Variants in SOS2 observed in about 807,000 individuals in gnomAD.
The protein encoded by SOS2 is SOS Ras/Rho guanine nucleotide exchange factor 2.
In SOS2, 65 loss-of-function variants were observed where a neutral mutation model predicts 148.2. That is an observed-to-expected ratio of 0.44 (90% confidence interval 0.36 to 0.54). The LOEUF is 0.54. SOS2 is among the 20% of genes least tolerant of loss of function. The probability of loss-of-function intolerance (pLI) is 0.00; values close to 1 mark genes in which losing one functional copy is unlikely to be tolerated. For missense variants in SOS2, 1,341 were observed against 1,590.2 expected, an observed-to-expected ratio of 0.84 and a Z score of 2.67; for synonymous variants, 539 against 537.1, an observed-to-expected ratio of 1.00 and a Z score of -0.05.
intron 4 of SOS2, among the ~76,000 whole-genome samples, chr14:50,195,705 G>A (rs1390738576): frequency 6.6e-6 from 1 of 152,128 alleles, no homozygotes; most frequent in African/African-American, 2.4e-5. Context: ...AAGCTGCAGT[G>A]AGCCTGGGTG....
chr14:50,209,861 G>GA (rs1185378492), intron 1 of SOS2, among the ~76,000 whole-genome samples: 9 of 152,090 alleles, frequency 5.9e-5, no homozygotes, highest in Non-Finnish European at 1.3e-4. Context: ...TAGACTTTAA[G>GA]AAAAATTAAA....
chr14:50,133,971 T>C lies in SOS2; in HGVS notation c.3075+152A>G, dbSNP rs74049157. On this transcript the variant is annotated intron_variant, in intron 19 of 22. Transcript: ENST00000216373. ...CCAGATTTTATCAAAAGGCTGACATTTCCCCCCCCAGTTTTAGAAATAGTA... is the reference window on the plus strand; with the variant it reads ...CCAGATTTTATCAAAAGGCTGACATCTCCCCCCCCAGTTTTAGAAATAGTA... 1.1e-3 allele frequency: 680 copies of C among 625,914 alleles called. 4 individuals carry two copies. The African/African-American group carries it at 0.012, about 11-fold the overall frequency. The allele number at this position is 625,914 out of a possible 1,614,324, so 38.8% of individuals were successfully genotyped here. A position where few individuals can be genotyped will look rare whatever the true frequency, so the allele number is the denominator to read the frequency against.
intron 8 of SOS2, among the ~76,000 whole-genome samples, chr14:50,170,302 CAT>C (rs1206917219): frequency 6.6e-6 from 1 of 151,922 alleles, no homozygotes; most frequent in Non-Finnish European, 1.5e-5. Flanking sequence ...ATTATCTTAA[CAT>C]ATAATTCAAT....
At position 50,144,500 on chromosome 14, in the gene SOS2, T is replaced by C. The variant is rs1245269511; in HGVS notation, c.2667+670A>G. Among the ~76,000 whole-genome samples, 3 of 152,104 alleles carry C rather than the reference T, an allele frequency of 2.0e-5. No homozygotes were observed. In the East Asian group the frequency reaches 5.8e-4, roughly 29 times the overall value. On this transcript the variant is annotated intron_variant, in intron 16 of 22. Coordinates refer to ENST00000216373, the MANE Select transcript of SOS2 (RefSeq NM_006939.4). The stretch of plus-strand genomic sequence containing the variant: ...TCGCCCAGCCTGGAGTGCAGTGGTG[T>C]GATCTCAGCTCACTGCAAATGCTGC...
At chr14:50,141,239 G>A (rs1013027022) in intron 16 of SOS2, among the ~76,000 whole-genome samples, 2 of 137,928 alleles carry the variant, frequency 1.5e-5, no homozygotes, top group Non-Finnish European at 3.1e-5. Context: ...AAAAATTCTG[G>A]TCAAGTGCAG....
intron 21 of SOS2, among the ~76,000 whole-genome samples, chr14:50,128,260 G>T (rs530599384): frequency 1.3e-5 from 2 of 151,998 alleles, no homozygotes; most frequent in Non-Finnish European, 2.9e-5. Context: ...TGGAACGGGG[G>T]ACAAAAAGGC....
intron 8 of SOS2, among the ~76,000 whole-genome samples, chr14:50,167,313 A>C (rs1346080230): frequency 6.6e-6 from 1 of 152,034 alleles, no homozygotes; most frequent in Non-Finnish European, 1.5e-5. Flanking sequence ...TCACACACAC[A>C]CAAAAAGAAT....
intron 3 of SOS2, 43 bp from the exon 4 acceptor site, chr14:50,199,898 T>A (rs746071784): frequency 7.9e-7 from 1 of 1,272,074 alleles, no homozygotes; most frequent in East Asian, 2.5e-5. Context: ...TGTAGCACTG[T>A]CAAGTATTAC....
chr14:50,199,317 C>T (rs1239618296), intron 4 of SOS2, among the ~76,000 whole-genome samples: 1 of 152,138 alleles, frequency 6.6e-6, no homozygotes, highest in Non-Finnish European at 1.5e-5. Context: ...ATTTTCTCTC[C>T]CCTGTGCCTC....
At chr14:50,217,934 G>A (rs1266648051) in intron 1 of SOS2, among the ~76,000 whole-genome samples, 3 of 151,532 alleles carry the variant, frequency 2.0e-5, no homozygotes, top group African/African-American at 7.3e-5. Context: ...CAGCCTGGGC[G>A]ACAGAGCGAG....
intron 16 of SOS2, among the ~76,000 whole-genome samples, chr14:50,143,698 T>C (rs1158360393): frequency 6.6e-6 from 1 of 152,072 alleles, no homozygotes; most frequent in Non-Finnish European, 1.5e-5. Context: ...CGCCTCGGCC[T>C]CCCAAAGTGC....
chr14:50,134,325 G>T, intron 18 of SOS2, 86 bp from the exon 19 acceptor site: 1 of 677,732 alleles, frequency 1.5e-6, no homozygotes, highest in Non-Finnish European at 2.5e-6. Context: ...AAAATTTTTT[G>T]CTGAAAATTA....
chr14:50,195,093 CAAT>C (rs1193916708), intron 4 of SOS2, among the ~76,000 whole-genome samples: 1 of 152,010 alleles, frequency 6.6e-6, no homozygotes, highest in Non-Finnish European at 1.5e-5. Context: ...ATTCTTACAA[CAAT>C]AACAAAAAAT....
chr14:50,195,846 T>C (rs996104971), intron 4 of SOS2, among the ~76,000 whole-genome samples: 3 of 151,826 alleles, frequency 2.0e-5, no homozygotes, highest in African/African-American at 4.8e-5. Context: ...CTGGCCAACA[T>C]AGTGAAACCC....
In SOS2 at chr14:50,118,605, T is replaced by G. The variant is rs767257405; in HGVS notation, c.3738A>C (p.Ser1246=). 19 of 1,614,012 alleles carry G rather than the reference T, an allele frequency of 1.2e-5. No individual in the cohort carries two copies. The East Asian group carries it at 1.8e-4, about 15-fold the overall frequency. Residue 1246 remains serine, a synonymous_variant, in exon 23 of 23, where the codon TCA becomes TCC. Transcript: ENST00000216373. Reference sequence around the variant, plus strand: ...ACGTACTAATGTCTCTGAGCCAGTCTGAATCTCTGTGAAGATGCCCCAGTG... The same window carrying G: ...ACGTACTAATGTCTCTGAGCCAGTCGGAATCTCTGTGAAGATGCCCCAGTG... ...PPPLGHLHRD[S]DWLRDISTCP...
At chr14:50,140,564 T>C (rs144075008) in intron 16 of SOS2, among the ~76,000 whole-genome samples, 6 of 152,296 alleles carry the variant, frequency 3.9e-5, no homozygotes, top group African/African-American at 7.2e-5. Flanking sequence ...AGAAAGAATA[T>C]ACACACACAC....
rs73283501 is a variant in SOS2 at position 50,166,959 on chromosome 14, C to T, written c.1069-5350G>A. ...ACACGGGCTCATGCCTGTAATCTCTCCACTTTGGAAGGTCAAGGCAGGAGG... is the reference window on the plus strand; with the variant it reads ...ACACGGGCTCATGCCTGTAATCTCTTCACTTTGGAAGGTCAAGGCAGGAGG... On this transcript the variant is annotated intron_variant, in intron 8 of 22. Coordinates refer to ENST00000216373, the MANE Select transcript of SOS2 (RefSeq NM_006939.4). 8.9e-3 allele frequency among the ~76,000 whole-genome samples: 1,354 copies of T among 152,140 alleles called. 19 individuals carry two copies. The highest frequency in any genetic ancestry group is 0.031 in the African/African-American group (1,291 of 41,498).
At chr14:50,171,224 A>C (rs1030030613) in intron 8 of SOS2, among the ~76,000 whole-genome samples, 1 of 152,182 alleles carries the variant, frequency 6.6e-6, no homozygotes, top group African/African-American at 2.4e-5. Context: ...CATTACTATG[A>C]AAAACAGTGT....
chr14:50,158,610 C>T lies in SOS2; in HGVS notation c.1889G>A (p.Arg630His), dbSNP rs754778456. The change falls in exon 11 of 23, where the codon CGT becomes CAT. Residue 630 changes from arginine to histidine, a missense_variant. Arg to His is a conservative substitution (Grantham distance 29). This residue lies in a region of SOS2 where 408 missense variants were observed against 506.6 expected (regional missense o/e 0.81). Coordinates refer to ENST00000216373, the MANE Select transcript of SOS2 (RefSeq NM_006939.4). ...NFVRTFLTTY[R>H]SFCKPQELLS... Reference sequence around the variant, plus strand: ...CAATTCCTGTGGTTTACAAAATGAACGATATGTGGTAAGAAAAGTACGAAC... The same window carrying T: ...CAATTCCTGTGGTTTACAAAATGAATGATATGTGGTAAGAAAAGTACGAAC... 29 of 1,608,940 alleles carry T rather than the reference C, an allele frequency of 1.8e-5. No individual in the cohort carries two copies. The Admixed American group carries it at 3.7e-4, about 21-fold the overall frequency.
Sources: gnomAD v4.1 joint callset for allele counts (sites outside exome capture counted in the v4.1 genomes callset) on GRCh38, gnomAD v4.1.1 for gene constraint, gnomAD v4.1.1 regional missense constraint, MANE v1.5 for transcripts, NCBI Gene and HGNC (gene_info 2026-07-23, HGNC 2026-07-21) for gene names.